Variants in TMEM163 observed in about 807,000 individuals in gnomAD.
TMEM163 encodes the protein transmembrane protein 163.
Under a neutral mutation model 29.3 loss-of-function variants are expected in TMEM163, and 17 were observed. The ratio of observed to expected loss-of-function variants is 0.58; its 90% confidence interval spans 0.40 to 0.87. The LOEUF is 0.87. Among genes scored for constraint, TMEM163 ranks in the 40% least tolerant of loss-of-function variants. TMEM163 has a pLI of 0.00. For missense variants in TMEM163, 303 were observed against 381.5 expected, an observed-to-expected ratio of 0.79 and a Z score of 1.71; for synonymous variants, 157 against 160.6, an observed-to-expected ratio of 0.98 and a Z score of 0.17.
chr2:134,684,916 C>A, intron 2 of TMEM163, among the ~76,000 whole-genome samples: 1 of 138,154 alleles, frequency 7.2e-6, no homozygotes. Flanking sequence ...GAGCAAGACC[C>A]TGTCTCAAAA....
chr2:134,588,606 G>T (rs986226103), intron 2 of TMEM163, among the ~76,000 whole-genome samples: 24 of 152,108 alleles, frequency 1.6e-4, no homozygotes, highest in African/African-American at 5.3e-4. Flanking sequence ...GGACAGTCTT[G>T]CATTCACACA....
chr2:134,514,236 T>C (rs988540473), intron 4 of TMEM163, among the ~76,000 whole-genome samples: 2 of 152,132 alleles, frequency 1.3e-5, no homozygotes, highest in Non-Finnish European at 1.5e-5. Flanking sequence ...CAAGACCAGG[T>C]TGGTCATGTA....
At chr2:134,469,142 T>G (rs1305331195) in intron 5 of TMEM163, 1 of 151,912 alleles carries the variant, frequency 6.6e-6, no homozygotes, top group East Asian at 1.9e-4. Context: ...TAAGTATGCA[T>G]GGTGAAACAT....
chr2:134,692,779 C>T (rs1310482841), intron 2 of TMEM163, among the ~76,000 whole-genome samples: 1 of 152,162 alleles, frequency 6.6e-6, no homozygotes, highest in East Asian at 1.9e-4. Flanking sequence ...AGCCACCTCC[C>T]AAAGCCTCCC....
intron 5 of TMEM163, among the ~76,000 whole-genome samples, chr2:134,485,898 C>T (rs1679295514): frequency 6.6e-6 from 1 of 152,114 alleles, no homozygotes; most frequent in African/African-American, 2.4e-5. Flanking sequence ...AGCTGGGTGT[C>T]GGAGTGAATA....
At chr2:134,503,235 C>T (rs1052624816) in intron 4 of TMEM163, among the ~76,000 whole-genome samples, 2 of 152,212 alleles carry the variant, frequency 1.3e-5, no homozygotes, top group African/African-American at 4.8e-5. Context: ...CCTACAGAAG[C>T]TCACAGCATA....
intron 2 of TMEM163, among the ~76,000 whole-genome samples, chr2:134,605,852 C>T (rs144740464): frequency 6.6e-6 from 1 of 152,196 alleles, no homozygotes; most frequent in East Asian, 1.9e-4. Flanking sequence ...GTGTAAGTGA[C>T]AACAGCAAGT....
At chr2:134,621,872 C>CA in intron 2 of TMEM163, among the ~76,000 whole-genome samples, 1 of 151,886 alleles carries the variant, frequency 6.6e-6, no homozygotes, top group East Asian at 1.9e-4. Context: ...GCCAGGGCGA[C>CA]AGAGTGAGAC....
rs140919984 is a variant in TMEM163 at position 134,592,586 on chromosome 2, T to A, written c.323-40495A>T. ...TGCCTAAGCTCCAAAAGGGAGGGGG[T>A]ATAACAAGGCGTGTGCTCCCTTCTC... On this transcript the variant is annotated intron_variant, in intron 2 of 7. Coordinates refer to ENST00000281924, the MANE Select transcript of TMEM163 (RefSeq NM_030923.5). Among the ~76,000 whole-genome samples, 11 of 152,012 alleles carry A rather than the reference T, an allele frequency of 7.2e-5. No individual in the cohort carries two copies. The East Asian group carries it at 2.1e-3, about 29-fold the overall frequency.
intron 2 of TMEM163, among the ~76,000 whole-genome samples, chr2:134,685,484 A>G (rs1684332870): frequency 6.6e-6 from 1 of 152,226 alleles, no homozygotes; most frequent in Non-Finnish European, 1.5e-5. Context: ...GAATGCTAGG[A>G]ATACTAAATT....
intron 2 of TMEM163, among the ~76,000 whole-genome samples, chr2:134,592,549 G>A (rs543830761): frequency 4.7e-4 from 72 of 152,154 alleles, no homozygotes; most frequent in African/African-American, 1.7e-3. Context: ...TAATGTTAAT[G>A]CTGGTCAGCT....
At chr2:134,695,230 C>T (rs1025722419) in intron 2 of TMEM163, among the ~76,000 whole-genome samples, 1 of 152,028 alleles carries the variant, frequency 6.6e-6, no homozygotes, top group African/African-American at 2.4e-5. Flanking sequence ...GTGCCCATCA[C>T]CACACCTGGC....
chr2:134,534,468 T>C (rs982401813), intron 4 of TMEM163, among the ~76,000 whole-genome samples: 1 of 152,140 alleles, frequency 6.6e-6, no homozygotes, highest in African/African-American at 2.4e-5. Context: ...TAAATCAACC[T>C]TGGCCAGGTG....
intron 2 of TMEM163, among the ~76,000 whole-genome samples, chr2:134,582,833 G>C (rs1681726622): frequency 6.6e-6 from 1 of 152,052 alleles, no homozygotes; most frequent in Admixed American, 6.5e-5. Context: ...TCCATCCTGA[G>C]AGGAGGAAAG....
At chr2:134,693,563 T>C (rs1009634844) in intron 2 of TMEM163, among the ~76,000 whole-genome samples, 2 of 142,984 alleles carry the variant, frequency 1.4e-5, no homozygotes, top group African/African-American at 5.3e-5. Context: ...GAGCCAAGAT[T>C]GCAACACTGC....
chr2:134,495,417 C>T lies in TMEM163; in HGVS notation c.555+7484G>A, dbSNP rs921829229. Among the ~76,000 whole-genome samples, 4 of 152,152 alleles carry T rather than the reference C, an allele frequency of 2.6e-5. No individual in the cohort carries two copies. In the East Asian group the frequency reaches 7.7e-4, roughly 29 times the overall value. ...GGGGAGAAGGCAGGCGAGGCTGTCT[C>T]GATCCTCCTCAAGGCAAAACTCACT... On this transcript the variant is annotated intron_variant, in intron 5 of 7. Coordinates refer to ENST00000281924, the MANE Select transcript of TMEM163 (RefSeq NM_030923.5).
chr2:134,579,908 T>C (rs981751879), intron 2 of TMEM163, among the ~76,000 whole-genome samples: 13 of 152,266 alleles, frequency 8.5e-5, no homozygotes, highest in Middle Eastern at 3.4e-3. Context: ...TGTTCTCTCA[T>C]ACAGGGCATG....
At chr2:134,577,335 G>C (rs1681578176) in intron 2 of TMEM163, among the ~76,000 whole-genome samples, 1 of 152,126 alleles carries the variant, frequency 6.6e-6, no homozygotes, top group African/African-American at 2.4e-5. Flanking sequence ...ACCTATATCA[G>C]CCAAGGTCCC....
intron 2 of TMEM163, among the ~76,000 whole-genome samples, chr2:134,658,600 T>C (rs1683675026): frequency 2.0e-5 from 3 of 149,870 alleles, no homozygotes; most frequent in Admixed American, 2.0e-4. Flanking sequence ...CTGAAATATA[T>C]ATATATATAT....
Sources: allele counts gnomAD v4.1 joint callset (sites outside exome capture counted in the v4.1 genomes callset), GRCh38; gene constraint gnomAD v4.1.1; transcripts MANE v1.5; gene names NCBI Gene and HGNC (gene_info 2026-07-23, HGNC 2026-07-21).